The following IL1RAPL1 variants were observed in gnomAD, a reference collection of about 807,000 sequenced individuals.
The protein encoded by IL1RAPL1 is interleukin-1 receptor accessory protein-like 1.
Under a neutral mutation model 48.4 loss-of-function variants are expected in IL1RAPL1, and 3 were observed. The observed-to-expected ratio is 0.06, with a 90% CI of 0.03 to 0.16. The LOEUF is 0.16. IL1RAPL1 is among the 10% of genes least tolerant of loss of function. IL1RAPL1 has a pLI of 1.00. For synonymous variants in IL1RAPL1, 185 were observed against 187.7 expected (o/e 0.99, Z 0.12); for missense variants, 349 against 530.6 (o/e 0.66, Z 3.36).
chrX:29,543,167 G>GT (rs1753851759), intron 5 of IL1RAPL1, among the ~76,000 whole-genome samples: 1 of 104,915 alleles, frequency 9.5e-6, no homozygotes, highest in South Asian at 4.4e-4. Flanking sequence ...ACTGATGACT[G>GT]TAAGTATCTT....
chrX:28,890,546 GT>G (rs1158360194), intron 2 of IL1RAPL1, among the ~76,000 whole-genome samples: 9 of 111,164 alleles, frequency 8.1e-5, no homozygotes, highest in Admixed American at 6.7e-4. Context: ...AAAAACTTTT[GT>G]TTTTTTCTCA....
intron 5 of IL1RAPL1, among the ~76,000 whole-genome samples, chrX:29,435,048 A>T (rs1169874812): frequency 9.0e-6 from 1 of 111,207 alleles, no homozygotes; most frequent in Non-Finnish European, 1.9e-5. Flanking sequence ...TGTAAACAGA[A>T]TTATACAATA....
intron 5 of IL1RAPL1, among the ~76,000 whole-genome samples, chrX:29,535,266 T>A (rs984061394): frequency 1.8e-5 from 2 of 110,892 alleles, no homozygotes; most frequent in Admixed American, 9.6e-5. Context: ...TAATACTACC[T>A]TTTTACAGAT....
chrX:29,395,292 A>G (rs1933907365), intron 3 of IL1RAPL1, among the ~76,000 whole-genome samples: 1 of 111,968 alleles, frequency 8.9e-6, no homozygotes. Context: ...GCACTTATTT[A>G]CCAAATGGGA....
intron 3 of IL1RAPL1, among the ~76,000 whole-genome samples, chrX:29,301,611 C>T (rs986484360): frequency 6.3e-5 from 7 of 111,542 alleles, no homozygotes; most frequent in Non-Finnish European, 1.3e-4. Context: ...TGTTATCTTC[C>T]GTTTGTACTT....
chrX:29,339,805 A>G (rs777859681), intron 3 of IL1RAPL1, among the ~76,000 whole-genome samples: 18 of 112,243 alleles, frequency 1.6e-4, no homozygotes, highest in Non-Finnish European at 5.6e-5. Flanking sequence ...TCATATATCA[A>G]TAGGCTAACC....
chrX:29,099,849 T>C (rs948035495), intron 2 of IL1RAPL1, among the ~76,000 whole-genome samples: 1 of 111,829 alleles, frequency 8.9e-6, no homozygotes, highest in Non-Finnish European at 1.9e-5. Context: ...ATTGCAATTA[T>C]ATATTATTAA....
intron 2 of IL1RAPL1, among the ~76,000 whole-genome samples, chrX:28,817,593 A>T: frequency 9.0e-6 from 1 of 111,444 alleles, no homozygotes; most frequent in Admixed American, 9.6e-5. Flanking sequence ...AAATGGAAAT[A>T]TTGACTTTGA....
chrX:28,641,755 G>A (rs1241377393), intron 1 of IL1RAPL1, among the ~76,000 whole-genome samples: 2 of 111,153 alleles, frequency 1.8e-5, no homozygotes, highest in African/African-American at 6.6e-5. Flanking sequence ...TTTAATGATC[G>A]CCGTTCTAAC....
At chrX:29,397,479 T>C (rs1324648461) in intron 4 of IL1RAPL1, among the ~76,000 whole-genome samples, 1 of 112,672 alleles carries the variant, frequency 8.9e-6, no homozygotes, top group Non-Finnish European at 1.9e-5. Context: ...AAGGGAACTG[T>C]TGGAAGATTT....
intron 8 of IL1RAPL1, among the ~76,000 whole-genome samples, chrX:29,928,858 A>G (rs777192480): frequency 2.5e-4 from 28 of 112,016 alleles, no homozygotes; most frequent in Non-Finnish European, 2.1e-4. Flanking sequence ...GACATGACGC[A>G]TACAAAAATG....
chrX:29,486,467 C>T (rs945779303), intron 5 of IL1RAPL1, among the ~76,000 whole-genome samples: 1 of 110,224 alleles, frequency 9.1e-6, no homozygotes, highest in Non-Finnish European at 1.9e-5. Flanking sequence ...ACTGCCACTT[C>T]TGCCCTTCAG....
intron 5 of IL1RAPL1, among the ~76,000 whole-genome samples, chrX:29,449,740 C>G (rs1294466647): frequency 3.9e-5 from 1 of 25,864 alleles, no homozygotes; most frequent in Non-Finnish European, 9.7e-5. Flanking sequence ...CATATGCATA[C>G]ACACACACAC....
At chrX:28,876,731 G>A (rs185861382) in intron 2 of IL1RAPL1, among the ~76,000 whole-genome samples, 3 of 100,265 alleles carry the variant, frequency 3.0e-5, no homozygotes, top group Non-Finnish European at 6.0e-5. Flanking sequence ...TGAATGAAAT[G>A]CACCCTCATT....
At position 29,437,697 on chromosome X, in the gene IL1RAPL1, T is replaced by C. The variant is rs1353156322; in HGVS notation, c.703+38389T>C. ...ATTGATAATAATCATGTGATTTTTC[T>C]TTAGTCTGTTAATATGGTGGATTAC... On this transcript the variant is annotated intron_variant, in intron 5 of 10. Coordinates refer to ENST00000378993, the MANE Select transcript of IL1RAPL1 (RefSeq NM_014271.4). Among the ~76,000 whole-genome samples, 3 of 110,944 alleles carry C rather than the reference T, an allele frequency of 2.7e-5. No individual in the cohort carries two copies. In the East Asian group the frequency reaches 8.4e-4, roughly 31 times the overall value.
chrX:29,364,427 G>C (rs943780548), intron 3 of IL1RAPL1, among the ~76,000 whole-genome samples: 1 of 109,277 alleles, frequency 9.2e-6, no homozygotes, highest in Non-Finnish European at 1.9e-5. Context: ...GCCAGGCATG[G>C]TGGTGGGCAC....
intron 6 of IL1RAPL1, among the ~76,000 whole-genome samples, chrX:29,804,664 C>T (rs1930209373): frequency 8.9e-6 from 1 of 112,279 alleles, no homozygotes; most frequent in South Asian, 3.7e-4. Context: ...GTCCATTAAA[C>T]CTCTTTCCTT....
intron 2 of IL1RAPL1, among the ~76,000 whole-genome samples, chrX:29,207,113 A>G (rs1930681484): frequency 9.0e-6 from 1 of 111,331 alleles, no homozygotes; most frequent in Admixed American, 9.6e-5. Flanking sequence ...ATGGTACTGC[A>G]CGGCTAAATT....
chrX:29,293,274 A>G lies in IL1RAPL1; in HGVS notation c.362+10057A>G, dbSNP rs941915105. Among the ~76,000 whole-genome samples, 43 of 109,472 alleles carry G rather than the reference A, an allele frequency of 3.9e-4. 1 individual carries two copies. Among genetic ancestry groups the G allele is most frequent in the Non-Finnish European group, 9.5e-5 (5 of 52,560 alleles). On this transcript the variant is annotated intron_variant, in intron 3 of 10. Coordinates refer to ENST00000378993, the MANE Select transcript of IL1RAPL1 (RefSeq NM_014271.4). ...CTAGGAAATACATGTCTTCAACAAA[A>G]CAGCCTATTTTTTTTTTTTTTTTAC...
Sources: allele counts gnomAD v4.1 joint callset (sites outside exome capture counted in the v4.1 genomes callset), GRCh38; gene constraint gnomAD v4.1.1; transcripts MANE v1.5; gene names NCBI Gene and HGNC (gene_info 2026-07-23, HGNC 2026-07-21).